Variants in ATP2B2 observed in about 807,000 individuals in gnomAD.
ATP2B2 encodes the protein ATPase plasma membrane Ca2+ transporting 2, also known as plasma membrane calcium-transporting ATPase 2.
ATP2B2 carries 15 observed loss-of-function variants against 120.0 expected under a neutral mutation model. The observed-to-expected ratio is 0.12, with a 90% CI of 0.08 to 0.19. The LOEUF (loss-of-function observed/expected upper bound fraction) is 0.19, where lower values mean the gene tolerates loss of function less well. Ranked by LOEUF, ATP2B2 falls within the 10% of genes least tolerant of loss-of-function variation. The probability of loss-of-function intolerance (pLI) is 1.00; values close to 1 mark genes in which losing one functional copy is unlikely to be tolerated. For synonymous variants in ATP2B2, 694 were observed against 700.3 expected (o/e 0.99, Z 0.14); for missense variants, 1,045 against 1,719.8 (o/e 0.61, Z 6.94).
intron 2 of ATP2B2, among the ~76,000 whole-genome samples, chr3:10,445,842 C>G (rs1302027979): frequency 6.6e-6 from 1 of 152,180 alleles, no homozygotes; most frequent in Non-Finnish European, 1.5e-5. Context: ...GGAGCTGGCA[C>G]AGCCCAGACC....
intron 2 of ATP2B2, among the ~76,000 whole-genome samples, chr3:10,579,810 G>GGAAACAAAAC (rs2068342681): frequency 6.8e-6 from 1 of 146,206 alleles, no homozygotes. Context: ...ACTCCGTCTT[G>GGAAACAAAAC]AAAACAAAAC....
chr3:10,360,860 A>T (rs1029429301), intron 12 of ATP2B2, among the ~76,000 whole-genome samples: 6 of 152,320 alleles, frequency 3.9e-5, no homozygotes, highest in African/African-American at 1.2e-4. Flanking sequence ...AAGATTCAGG[A>T]CAGTTCATCA....
intron 1 of ATP2B2, among the ~76,000 whole-genome samples, chr3:10,488,506 CGTT>C: frequency 1.3e-5 from 1 of 76,194 alleles, no homozygotes; most frequent in Non-Finnish European, 2.9e-5. Flanking sequence ...TTCCTTCCTT[CGTT>C]CCTTCCTTCC....
rs185883619 is a variant in ATP2B2, at chr3:10,594,883, T to C, written c.-415+25034A>G. On this transcript the variant is annotated intron_variant, in intron 2 of 21. Transcript: ENST00000646379. ...TTTTATAGATGAGGAAATGGAGGCG[T>C]AAGCGGTTAAGGTCACCAGCTGGTT... Among the ~76,000 whole-genome samples the C allele has an allele frequency of 2.8e-3, 433 of 152,326 alleles. 3 individuals carry two copies. Among genetic ancestry groups the C allele is most frequent in the African/African-American group, 9.9e-3 (411 of 41,578 alleles).
chr3:10,496,082 T>C (rs1353640679), intron 1 of ATP2B2, among the ~76,000 whole-genome samples: 2 of 152,218 alleles, frequency 1.3e-5, no homozygotes, highest in African/African-American at 4.8e-5. Context: ...AATCTGAAAT[T>C]GGCTGGGGGT....
intron 3 of ATP2B2, among the ~76,000 whole-genome samples, chr3:10,403,577 G>A (rs908185265): frequency 3.9e-5 from 6 of 152,318 alleles, no homozygotes; most frequent in East Asian, 3.9e-4. Flanking sequence ...CAGCCAGGAC[G>A]CACCCAGGCC....
intron 5 of ATP2B2, among the ~76,000 whole-genome samples, chr3:10,393,027 G>T (rs1459874074): frequency 6.6e-6 from 1 of 152,200 alleles, no homozygotes; most frequent in African/African-American, 2.4e-5. Context: ...TTCACTTGAC[G>T]GACAGACATG....
chr3:10,354,624 T>C (rs541745100), intron 14 of ATP2B2, among the ~76,000 whole-genome samples: 4 of 152,314 alleles, frequency 2.6e-5, no homozygotes, highest in Admixed American at 2.0e-4. Flanking sequence ...TTGGAAAATG[T>C]ACCCACTGTA....
At chr3:10,485,234 C>G (rs1030526993) in intron 1 of ATP2B2, among the ~76,000 whole-genome samples, 1 of 152,236 alleles carries the variant, frequency 6.6e-6, no homozygotes, top group Non-Finnish European at 1.5e-5. Flanking sequence ...GGGTGCCTTC[C>G]TTCTGTGGTT....
intron 2 of ATP2B2, among the ~76,000 whole-genome samples, chr3:10,579,841 AAAAC>A (rs1462774140): frequency 6.6e-6 from 1 of 151,546 alleles, no homozygotes. Context: ...AAAACAAAAC[AAAAC>A]AAAGAAACAG....
At chr3:10,552,141 C>G (rs1169433403) in intron 2 of ATP2B2, among the ~76,000 whole-genome samples, 1 of 152,242 alleles carries the variant, frequency 6.6e-6, no homozygotes, top group East Asian at 1.9e-4. Context: ...AGGGAACACC[C>G]TTCCCACGGC....
chr3:10,605,235 G>A (rs993708881), intron 2 of ATP2B2, among the ~76,000 whole-genome samples: 5 of 152,300 alleles, frequency 3.3e-5, no homozygotes, highest in Non-Finnish European at 5.9e-5. Flanking sequence ...AGAAAATAGC[G>A]ACAACAATAC....
intron 2 of ATP2B2, among the ~76,000 whole-genome samples, chr3:10,581,258 G>A (rs193197261): frequency 2.6e-5 from 4 of 152,320 alleles, no homozygotes; most frequent in Admixed American, 1.3e-4. Flanking sequence ...ACAAGTGCAA[G>A]AGAAGAGAAG....
At chr3:10,658,145 G>A (rs908650093) in intron 1 of ATP2B2, among the ~76,000 whole-genome samples, 1 of 152,160 alleles carries the variant, frequency 6.6e-6, no homozygotes, top group Non-Finnish European at 1.5e-5. Flanking sequence ...CAAAGATGGG[G>A]AAAAAACAGC....
In ATP2B2 at chr3:10,703,852, C is replaced by T. The variant is rs531066034; in HGVS notation, c.-460+4063G>A. On this transcript the variant is annotated intron_variant, in intron 1 of 21. Transcript: ENST00000646379. The stretch of plus-strand genomic sequence containing the variant: ...TAAATGCTCAGCCCATCTTCCCAAC[C>T]GCTTCCTTTATGGAACCCCTGCCCA... Among the ~76,000 whole-genome samples, 3 of 152,356 alleles carry T rather than the reference C, an allele frequency of 2.0e-5. No individual in the cohort carries two copies. The South Asian group carries it at 6.2e-4, about 32-fold the overall frequency.
intron 3 of ATP2B2, among the ~76,000 whole-genome samples, chr3:10,516,157 A>G (rs1275195135): frequency 6.6e-6 from 1 of 152,228 alleles, no homozygotes; most frequent in Non-Finnish European, 1.5e-5. Context: ...CAGGCCCGCA[A>G]CATGGTTACC....
chr3:10,703,579 G>A (rs941905756), intron 1 of ATP2B2, among the ~76,000 whole-genome samples: 3 of 152,270 alleles, frequency 2.0e-5, no homozygotes, highest in African/African-American at 7.2e-5. Flanking sequence ...CTAGAACTCC[G>A]GATCAGCACA....
At chr3:10,476,880 T>C (rs1490029013) in intron 1 of ATP2B2, among the ~76,000 whole-genome samples, 1 of 152,208 alleles carries the variant, frequency 6.6e-6, no homozygotes, top group Non-Finnish European at 1.5e-5. Flanking sequence ...GGAGGGTCTA[T>C]GCCACACCCT....
intron 2 of ATP2B2, among the ~76,000 whole-genome samples, chr3:10,614,652 G>T (rs1416343612): frequency 6.6e-6 from 1 of 152,198 alleles, no homozygotes; most frequent in African/African-American, 2.4e-5. Context: ...CCTCAGTTTT[G>T]TTGTCTGTAG....
Sources: gnomAD v4.1 joint callset for allele counts (sites outside exome capture counted in the v4.1 genomes callset) on GRCh38, gnomAD v4.1.1 for gene constraint, MANE v1.5 for transcripts, NCBI Gene and HGNC (gene_info 2026-07-23, HGNC 2026-07-21) for gene names.